SMOX: variants seen among roughly 807,000 people sequenced by gnomAD.
SMOX encodes the protein flavin containing amine oxidase.
SMOX carries 22 observed loss-of-function variants against 51.0 expected under a neutral mutation model. The observed-to-expected ratio is 0.43, with a 90% CI of 0.31 to 0.62. The LOEUF is 0.62. SMOX is among the 20% of genes least tolerant of loss of function. The pLI, the probability that SMOX is intolerant of heterozygous loss-of-function variation, is 0.10. For synonymous variants in SMOX, 282 were observed against 307.8 expected (o/e 0.92, Z 0.88); for missense variants, 566 against 777.7 (o/e 0.73, Z 3.24).
In SMOX at chr20:4,181,480, C is replaced by A. The variant is rs1368488093; in HGVS notation, c.436-323C>A. Among the ~76,000 whole-genome samples, 3 of 152,174 alleles carry A rather than the reference C, an allele frequency of 2.0e-5. No homozygotes were observed. The highest frequency in any genetic ancestry group is 6.6e-5 in the Admixed American group (1 of 15,264). ...AGTGGGAGGTGGAGCCCATGGAGGC[C>A]CATGCAGAGTCCATGAGGGGTGGCT... is the stretch of plus-strand genomic sequence containing the variant. On this transcript the variant is annotated intron_variant, in intron 3 of 6. Transcript: ENST00000305958. This position sits in a 1 kb window ranked among gnomAD's most constrained non-coding sequence, Gnocchi z 5.6.
At position 4,187,436 on chromosome 20, in the gene SMOX, C is replaced by CT; in HGVS notation, c.*30dup. On this transcript the variant is annotated 3_prime_UTR_variant, in exon 7 of 7. Transcript: ENST00000305958. This position sits in a 1 kb window ranked among gnomAD's most constrained non-coding sequence, Gnocchi z 4.8. ...CTGTCCTCGCTGCTGAGAAGAGCCA[C>CT]TAACTCGTGACCTCCAGCCTGCCCC... 6.2e-7 allele frequency: 1 copy of CT among 1,605,928 alleles called. No individual in the cohort carries two copies. Among genetic ancestry groups the CT allele is most frequent in the African/African-American group, 1.3e-5 (1 of 74,952 alleles).
At chr20:4,186,786 C>G (rs1979766387) in intron 6 of SMOX, 1 of 780,950 alleles carries the variant, frequency 1.3e-6, no homozygotes, top group African/African-American at 1.7e-5. Context: ...CTTTTCTCTT[C>G]CAAGTGCCCA....
At chr20:4,173,157 C>T (rs931968729) in intron 1 of SMOX, among the ~76,000 whole-genome samples, 1 of 152,176 alleles carries the variant, frequency 6.6e-6, no homozygotes, top group African/African-American at 2.4e-5. Flanking sequence ...TTCATACGTG[C>T]ACTGGGTACC....
At chr20:4,152,467 C>G (rs1985810584) in intron 1 of SMOX, among the ~76,000 whole-genome samples, 1 of 152,012 alleles carries the variant, frequency 6.6e-6, no homozygotes, top group East Asian at 1.9e-4. Flanking sequence ...AGGCTGAGAG[C>G]CAGGGGACCT....
chr20:4,164,161 G>T (rs1986452936), intron 1 of SMOX, among the ~76,000 whole-genome samples: 1 of 152,146 alleles, frequency 6.6e-6, no homozygotes. Flanking sequence ...TCTCTGTGGG[G>T]TAGGGTGGCT....
At chr20:4,157,185 C>T (rs1054249867) in intron 1 of SMOX, among the ~76,000 whole-genome samples, 5 of 152,194 alleles carry the variant, frequency 3.3e-5, no homozygotes, top group East Asian at 1.9e-4. Context: ...TCTGTGCCTC[C>T]GTTCCCTCAT....
chr20:4,150,218 C>T (rs2122347528), intron 1 of SMOX, among the ~76,000 whole-genome samples: 1 of 152,316 alleles, frequency 6.6e-6, no homozygotes, highest in South Asian at 2.1e-4. Context: ...ACCTTCTTCC[C>T]TTCACAGCAA....
intron 1 of SMOX, among the ~76,000 whole-genome samples, chr20:4,161,338 G>C (rs749605736): frequency 6.6e-6 from 1 of 152,178 alleles, no homozygotes; most frequent in Non-Finnish European, 1.5e-5. Flanking sequence ...AGGCGGCTTG[G>C]AGAAGCTCTC....
rs1051184690 is a variant in SMOX at position 4,181,611 on chromosome 20, C to T, written c.436-192C>T. ...TCCCACCTCCCCGACAGGCCGGAGGCGAGGAGGTGGCTGCCCGGGGCCTTG... is the reference window on the plus strand; with the variant it reads ...TCCCACCTCCCCGACAGGCCGGAGGTGAGGAGGTGGCTGCCCGGGGCCTTG... On this transcript the variant is annotated intron_variant, in intron 3 of 6. Coordinates refer to ENST00000305958, the MANE Select transcript of SMOX (RefSeq NM_175839.3). The surrounding 1 kb of genome is among the most constrained non-coding windows in gnomAD (Gnocchi z 5.6). 3.9e-5 allele frequency among the ~76,000 whole-genome samples: 6 copies of T among 152,146 alleles called. No homozygotes were observed. Among genetic ancestry groups the T allele is most frequent in the Admixed American group, 2.0e-4 (3 of 15,288 alleles).
At chr20:4,161,677 G>A (rs1209007440) in intron 1 of SMOX, among the ~76,000 whole-genome samples, 4 of 152,164 alleles carry the variant, frequency 2.6e-5, no homozygotes, top group Non-Finnish European at 5.9e-5. Flanking sequence ...GGCCTTCCCT[G>A]ACGCCCCTGT....
intron 1 of SMOX, among the ~76,000 whole-genome samples, chr20:4,163,588 T>A (rs947356606): frequency 1.3e-5 from 2 of 152,144 alleles, no homozygotes; most frequent in African/African-American, 4.8e-5. Flanking sequence ...TTTCTGTAGG[T>A]TGGGAATTTG....
Position 4,177,584 on chromosome 20 carries a change from T to C in SMOX, c.435+7T>C, listed in dbSNP as rs1978973413. On this transcript the variant is annotated splice_region_variant and intron_variant, in intron 3 of 6. Transcript: ENST00000305958. This position sits in a 1 kb window ranked among gnomAD's most constrained non-coding sequence, Gnocchi z 4.3. ...CAGCGATTTATACAACGAGGTAAGGTGTGAGCAGAGTAGCTGGGCGTAAGG... is the reference window on the plus strand; with the variant it reads ...CAGCGATTTATACAACGAGGTAAGGCGTGAGCAGAGTAGCTGGGCGTAAGG... 6.3e-7 allele frequency: 1 copy of C among 1,576,926 alleles called. No homozygotes were observed. Among genetic ancestry groups the C allele is most frequent in the Non-Finnish European group, 8.6e-7 (1 of 1,159,908 alleles).
intron 1 of SMOX, 29 bp from the exon 2 acceptor site, chr20:4,175,001 C>T (rs2295482): frequency 0.15 from 245,463 of 1,603,162 alleles, 24,496 homozygotes; most frequent in African/African-American, 0.4. Flanking sequence ...GGCAGAGCCA[C>T]TAAGCTGTGA....
Position 4,177,861 on chromosome 20 carries a change from G to C in SMOX, c.435+284G>C, listed in dbSNP as rs1037141593. On this transcript the variant is annotated intron_variant, in intron 3 of 6. Transcript: ENST00000305958. The surrounding 1 kb of genome is among the most constrained non-coding windows in gnomAD (Gnocchi z 4.3). ...ATGTATATAACTCTACACAAAAAAT[G>C]AGAATTTTGTCTTTTTTTCCTTTCT... Among the ~76,000 whole-genome samples, 3 of 152,066 alleles carry C rather than the reference G, an allele frequency of 2.0e-5. No homozygotes were observed. The highest frequency in any genetic ancestry group is 6.6e-5 in the Admixed American group (1 of 15,256).
Position 4,167,813 on chromosome 20 carries a change from C to T in SMOX, c.-26-7217C>T, listed in dbSNP as rs1986632435. Among the ~76,000 whole-genome samples the T allele has an allele frequency of 6.6e-6, 1 of 152,106 alleles. No homozygotes were observed. The highest frequency in any genetic ancestry group is 1.5e-5 in the Non-Finnish European group (1 of 67,996). ...AGCAGTCCTTTTACTTCCTGGCCAG[C>T]CTGAGTGAGGAGGCTGGGGAGGGTC... On this transcript the variant is annotated intron_variant, in intron 1 of 6. Coordinates refer to ENST00000305958, the MANE Select transcript of SMOX (RefSeq NM_175839.3). This position sits in a 1 kb window ranked among gnomAD's most constrained non-coding sequence, Gnocchi z 4.8.
chr20:4,157,877 G>A (rs549249749), intron 1 of SMOX, among the ~76,000 whole-genome samples: 2 of 152,064 alleles, frequency 1.3e-5, no homozygotes, highest in African/African-American at 4.8e-5. Context: ...CAGCTCAGGT[G>A]GGGGAGATGG....
intron 1 of SMOX, among the ~76,000 whole-genome samples, chr20:4,162,485 T>C (rs1986381863): frequency 1.3e-5 from 2 of 152,340 alleles, no homozygotes; most frequent in East Asian, 3.9e-4. Flanking sequence ...CCTGGGAATT[T>C]CCACCCCCTC....
Position 4,187,629 on chromosome 20 carries a change from GC to G in SMOX, c.*227del. The stretch of plus-strand genomic sequence containing the variant: ...GAGTTACCTCTGTGCTGGATCCCGT[GC>G]CCCCACTTGCCTACCCTCTGTCCTG... On this transcript the variant is annotated 3_prime_UTR_variant, in exon 7 of 7. Coordinates refer to ENST00000305958, the MANE Select transcript of SMOX (RefSeq NM_175839.3). This position sits in a 1 kb window ranked among gnomAD's most constrained non-coding sequence, Gnocchi z 4.8. 1.8e-6 allele frequency: 1 copy of G among 551,364 alleles called. No individual in the cohort carries two copies. The highest frequency in any genetic ancestry group is 3.1e-6 in the Non-Finnish European group (1 of 317,790). The allele number at this position is 551,364 out of a possible 1,614,324, so 34.2% of individuals were successfully genotyped here. A position where few individuals can be genotyped will look rare whatever the true frequency, so the allele number is the denominator to read the frequency against.
Position 4,175,105 on chromosome 20 carries a change from G to C in SMOX, c.50G>C (p.Arg17Pro), listed in dbSNP as rs138666566. 6.2e-7 allele frequency: 1 copy of C among 1,614,242 alleles called. No homozygotes were observed. The highest frequency in any genetic ancestry group is 8.5e-7 in the Non-Finnish European group (1 of 1,180,050). Residue 17 changes from arginine (R) to proline (P), a missense_variant, in exon 2 of 7, where the codon CGC becomes CCC. Physicochemically the swap from Arg to Pro is moderately radical, Grantham distance 103. This residue lies in a region of SMOX where 217 missense variants were observed against 278.4 expected (regional missense o/e 0.78). Transcript: ENST00000305958. ...GACAGTGCGGATGACCCTCTCAGTC[G>C]CGGCCTACGGAGAAGGGGACAGCCT... Reference protein sequence around the residue: ...SGDSADDPLSRGLRRRGQPRV... With the variant: ...SGDSADDPLSPGLRRRGQPRV...
Sources: gnomAD v4.1 joint callset for allele counts (sites outside exome capture counted in the v4.1 genomes callset) on GRCh38, gnomAD v4.1.1 for gene constraint, gnomAD v4.1.1 regional missense constraint, Gnocchi (gnomAD v3.1) non-coding constraint, MANE v1.5 for transcripts, NCBI Gene and HGNC (gene_info 2026-07-23, HGNC 2026-07-21) for gene names.